AFG2A: variants seen among roughly 807,000 people sequenced by gnomAD.
The protein encoded by AFG2A is ATPase family gene 2 protein homolog A.
At chr4:123,189,480 T>G in the AFG2A span, among the ~76,000 whole-genome samples, 90,646 of 151,342 alleles carry the variant, frequency 0.6, 28,357 homozygotes, top group Non-Finnish European at 0.68. Flanking sequence ...CTCTTCCAAC[T>G]TAGTTGAAAC....
chr4:122,941,971 C>A, the AFG2A span, among the ~76,000 whole-genome samples: 50 of 152,036 alleles, frequency 3.3e-4, no homozygotes, highest in African/African-American at 1.2e-3. Flanking sequence ...CCTTGCATCC[C>A]AGGGATGAAG....
the AFG2A span, among the ~76,000 whole-genome samples, chr4:123,040,632 A>G: frequency 2.0e-5 from 3 of 152,216 alleles, no homozygotes; most frequent in African/African-American, 7.2e-5. Context: ...TCTAACCTGT[A>G]TCTAAAAATA....
At chr4:123,061,715 T>C in the AFG2A span, among the ~76,000 whole-genome samples, 1 of 152,208 alleles carries the variant, frequency 6.6e-6, no homozygotes, top group Non-Finnish European at 1.5e-5. Context: ...TGGTATTCCA[T>C]GAATACTTAC....
chr4:123,052,037 C>T, the AFG2A span, among the ~76,000 whole-genome samples: 2 of 152,070 alleles, frequency 1.3e-5, no homozygotes, highest in Admixed American at 6.5e-5. Flanking sequence ...CTTTCTACCC[C>T]TTTGTCTTTC....
At chr4:123,187,605 A>G in the AFG2A span, among the ~76,000 whole-genome samples, 4 of 152,130 alleles carry the variant, frequency 2.6e-5, no homozygotes, top group African/African-American at 9.7e-5. Context: ...ATTAGACATA[A>G]TTGTATCATT....
At chr4:123,056,258 C>A in the AFG2A span, 2 of 775,440 alleles carry the variant, frequency 2.6e-6, no homozygotes, top group South Asian at 2.2e-5. Flanking sequence ...AGAAAATAAG[C>A]ATGCTAAAGG....
the AFG2A span, chr4:122,934,650 CAT>C: frequency 1.2e-6 from 2 of 1,613,214 alleles, no homozygotes; most frequent in Non-Finnish European, 1.7e-6. Flanking sequence ...TAACTTATGA[CAT>C]GATAGGAGGA....
the AFG2A span, among the ~76,000 whole-genome samples, chr4:123,070,386 C>A: frequency 6.6e-6 from 1 of 151,622 alleles, no homozygotes; most frequent in Non-Finnish European, 1.5e-5. Context: ...TGTCTTAGTC[C>A]CCTTGGGCTG....
the AFG2A span, among the ~76,000 whole-genome samples, chr4:123,082,773 A>ACAG: frequency 6.6e-6 from 1 of 151,992 alleles, no homozygotes; most frequent in Admixed American, 6.6e-5. Context: ...TGACATCTTA[A>ACAG]CAGTGTTGAG....
the AFG2A span, chr4:122,935,708 T>C: frequency 6.4e-7 from 1 of 1,565,266 alleles, no homozygotes; most frequent in Non-Finnish European, 8.6e-7. Context: ...CTACTTTTTC[T>C]TCCAGGAATT....
chr4:123,082,033 T>C, the AFG2A span, among the ~76,000 whole-genome samples: 13 of 152,204 alleles, frequency 8.5e-5, no homozygotes, highest in Admixed American at 6.5e-4. Context: ...GATAACAGTC[T>C]TTATCACATG....
chr4:123,215,206 A>C, the AFG2A span, among the ~76,000 whole-genome samples: 1 of 152,104 alleles, frequency 6.6e-6, no homozygotes, highest in Non-Finnish European at 1.5e-5. Flanking sequence ...TTTTAAACCC[A>C]GTCTAGAGCT....
At chr4:123,281,208 G>A in the AFG2A span, among the ~76,000 whole-genome samples, 104,461 of 151,906 alleles carry the variant, frequency 0.69, 38,162 homozygotes, top group Non-Finnish European at 0.81. Flanking sequence ...GGTAGGAATC[G>A]GATGTTTTTC....
At chr4:123,119,004 G>A in the AFG2A span, among the ~76,000 whole-genome samples, 2 of 152,030 alleles carry the variant, frequency 1.3e-5, no homozygotes, top group African/African-American at 4.8e-5. Context: ...CATCTATCAA[G>A]TAGAGTGATA....
chr4:123,069,501 G>A, the AFG2A span, among the ~76,000 whole-genome samples: 1 of 152,082 alleles, frequency 6.6e-6, no homozygotes, highest in African/African-American at 2.4e-5. Flanking sequence ...AAGAAGGAGT[G>A]TAGGTAGAAA....
At chr4:122,948,387 TACACACACACACACACACACACACACAC>T in the AFG2A span, among the ~76,000 whole-genome samples, 1 of 129,618 alleles carries the variant, frequency 7.7e-6, no homozygotes, top group South Asian at 2.8e-4. Context: ...CTCCAGAGTA[TACACACACACACACACACACACACACAC>T]ACACACACAC....
chr4:123,014,643 T>G, the AFG2A span, among the ~76,000 whole-genome samples: 1 of 152,176 alleles, frequency 6.6e-6, no homozygotes, highest in Non-Finnish European at 1.5e-5. Context: ...ATATAACCAT[T>G]AAACTGATTA....
chr4:123,259,156 T>C, the AFG2A span, among the ~76,000 whole-genome samples: 1 of 152,194 alleles, frequency 6.6e-6, no homozygotes, highest in Admixed American at 6.5e-5. Flanking sequence ...CATGAGCCTC[T>C]GTGCCCACCA....
chr4:123,314,017 C>T, the AFG2A span: 23 of 1,609,652 alleles, frequency 1.4e-5, no homozygotes, highest in East Asian at 9.0e-5. Flanking sequence ...GTCATTGAGA[C>T]GTTTTTATGA....
Sources: allele counts gnomAD v4.1 joint callset (sites outside exome capture counted in the v4.1 genomes callset), GRCh38; gene constraint gnomAD v4.1.1; transcripts MANE v1.5; gene names NCBI Gene and HGNC (gene_info 2026-07-23, HGNC 2026-07-21).